Variants in SEMA5B observed in about 807,000 individuals in gnomAD.
SEMA5B encodes the protein semaphorin 5B.
In SEMA5B, 66 loss-of-function variants were observed where a neutral mutation model predicts 135.0. The ratio of observed to expected loss-of-function variants is 0.49; its 90% confidence interval spans 0.40 to 0.60. SEMA5B has a LOEUF of 0.60. SEMA5B is among the 20% of genes least tolerant of loss of function. SEMA5B has a pLI of 0.00. For missense variants in SEMA5B, 1,501 were observed against 1,566.3 expected (o/e 0.96, Z 0.70); for synonymous variants, 690 against 639.5 (o/e 1.08, Z -1.19).
chr3:122,924,723 C>T (rs547500634), intron 9 of SEMA5B, among the ~76,000 whole-genome samples: 20 of 152,276 alleles, frequency 1.3e-4, no homozygotes, highest in African/African-American at 4.3e-4. Context: ...AACATTTCTT[C>T]CCACCTCAAA....
intron 1 of SEMA5B, among the ~76,000 whole-genome samples, chr3:122,988,012 A>G (rs528192717): frequency 3.9e-5 from 6 of 152,054 alleles, no homozygotes; most frequent in Non-Finnish European, 7.4e-5. Context: ...GGCCTCAGAG[A>G]TGTGCAACAG....
At position 122,984,039 on chromosome 3, in the gene SEMA5B, G is replaced by A. The variant is rs1053343772; in HGVS notation, c.-38-22738C>T. On this transcript the variant is annotated intron_variant, in intron 1 of 22. Transcript: ENST00000357599. The stretch of plus-strand genomic sequence containing the variant: ...CTTCATCATTGGTCCTACGTGCAGA[G>A]GAGTAAAGAAATAAACAGCTATCAG... Among the ~76,000 whole-genome samples, 18 of 152,352 alleles carry A rather than the reference G, an allele frequency of 1.2e-4. 1 individual carries two copies. The highest frequency in any genetic ancestry group is 4.1e-4 in the African/African-American group (17 of 41,588).
At position 122,976,071 on chromosome 3, in the gene SEMA5B, C is replaced by T. The variant is rs1941309437; in HGVS notation, c.-38-14770G>A. The T allele has an allele frequency of 7.2e-6, 11 of 1,535,148 alleles. No individual in the cohort carries two copies. The South Asian group carries it at 1.2e-4, about 17-fold the overall frequency. On this transcript the variant is annotated intron_variant, in intron 1 of 22. Transcript: ENST00000357599. ...CCCAAATGCCAGCTCATCTATGAAG[C>T]TCCTTCTGACCCTCACGCAGCCAAT...
intron 1 of SEMA5B, among the ~76,000 whole-genome samples, chr3:122,964,879 A>C (rs557820409): frequency 6.6e-6 from 1 of 151,814 alleles, no homozygotes; most frequent in Non-Finnish European, 1.5e-5. Flanking sequence ...TTTAATTAAC[A>C]CTCTCCCTCC....
intron 1 of SEMA5B, among the ~76,000 whole-genome samples, chr3:122,991,975 C>G (rs1440516631): frequency 6.6e-6 from 1 of 152,112 alleles, no homozygotes; most frequent in Non-Finnish European, 1.5e-5. Flanking sequence ...GTTACGGATA[C>G]AGGAAGCATG....
At chr3:123,010,919 G>A (rs1484347333) in intron 1 of SEMA5B, among the ~76,000 whole-genome samples, 2 of 151,982 alleles carry the variant, frequency 1.3e-5, no homozygotes, top group Non-Finnish European at 2.9e-5. Flanking sequence ...ACAGCAAATA[G>A]CGGGTGTGAA....
intron 1 of SEMA5B, among the ~76,000 whole-genome samples, chr3:123,018,685 C>T (rs1377235733): frequency 6.6e-6 from 1 of 152,218 alleles, no homozygotes; most frequent in Non-Finnish European, 1.5e-5. Context: ...CTCAGGACCT[C>T]AACCAAATCA....
At chr3:123,007,595 T>C (rs894402050) in intron 1 of SEMA5B, among the ~76,000 whole-genome samples, 4 of 152,142 alleles carry the variant, frequency 2.6e-5, no homozygotes, top group Admixed American at 2.0e-4. Context: ...TGGGTTATCA[T>C]GGGAGGGGAA....
At chr3:122,975,868 C>G (rs971263989) in intron 1 of SEMA5B, 1 of 1,249,980 alleles carries the variant, frequency 8.0e-7, no homozygotes, top group African/African-American at 1.5e-5. Context: ...CAAATCCAAA[C>G]ACCCTGCATA....
rs772603757 is a variant in SEMA5B at position 122,943,509 on chromosome 3, T to C, written c.355A>G (p.Thr119Ala). The C allele has an allele frequency of 1.7e-5, 27 of 1,608,458 alleles. No homozygotes were observed. The highest frequency in any genetic ancestry group is 1.6e-4 in the Middle Eastern group (1 of 6,066). The change falls in exon 4 of 23, where the codon ACC (threonine) becomes GCC (alanine). Residue 119 changes from threonine to alanine, a missense_variant. Around this residue, in one of 2 missense-constraint regions of SEMA5B, gnomAD observed 574 missense variants for 684.7 expected, o/e 0.84. Coordinates refer to ENST00000357599, the MANE Select transcript of SEMA5B (RefSeq NM_001031702.4). ...GAGAAATCCCGGGCTCCAGGGTAGG[T>C]GAAGTTAGAGACCCACGGCTGCAGG... Reference protein sequence around the residue: ...EDLQPWVSNFTYPGARDFSQL... With the variant: ...EDLQPWVSNFAYPGARDFSQL...
chr3:123,020,560 G>A (rs1445793487), intron 1 of SEMA5B, among the ~76,000 whole-genome samples: 4 of 152,176 alleles, frequency 2.6e-5, no homozygotes, highest in Non-Finnish European at 5.9e-5. Context: ...CATTAGAAAG[G>A]ACCTGGCTGT....
At chr3:122,970,942 G>T (rs1451292006) in intron 1 of SEMA5B, among the ~76,000 whole-genome samples, 9 of 152,226 alleles carry the variant, frequency 5.9e-5, no homozygotes, top group Admixed American at 5.9e-4. Context: ...TTCTAAGTTT[G>T]TCCATCAGGG....
rs745397336 is a variant in SEMA5B, at chr3:122,911,500, C to T, written c.3082G>A (p.Asp1028Asn). 1.2e-5 allele frequency: 19 copies of T among 1,609,310 alleles called. No individual in the cohort carries two copies. Among genetic ancestry groups the T allele is most frequent in the Non-Finnish European group, 1.4e-5 (17 of 1,178,626 alleles). ...LPASSMEEAT[D>N]CAGFNLIHLV... ...GTCCGGTTTCTTTTACCTGCACAGT[C>T]GGTGGCCTCCTCCATGCTGGAGGCT... Residue 1028 changes from aspartate to asparagine, a missense_variant, in exon 21 of 23, where the codon GAC (aspartate) becomes AAC (asparagine). Asp to Asn is a conservative substitution (Grantham distance 23). Coordinates refer to ENST00000357599, the MANE Select transcript of SEMA5B (RefSeq NM_001031702.4).
chr3:122,945,712 C>T (rs1042967433), intron 3 of SEMA5B, among the ~76,000 whole-genome samples: 2 of 151,826 alleles, frequency 1.3e-5, no homozygotes, highest in South Asian at 4.1e-4. Context: ...GGTGGCATGA[C>T]GGGTCTGCAG....
intron 9 of SEMA5B, among the ~76,000 whole-genome samples, chr3:122,925,406 C>T (rs1051621516): frequency 1.3e-4 from 19 of 151,994 alleles, no homozygotes; most frequent in Admixed American, 1.0e-3. Context: ...TGGTGGCTCA[C>T]ACCTGTAATC....
At chr3:122,996,711 A>G (rs1942029984) in intron 1 of SEMA5B, among the ~76,000 whole-genome samples, 1 of 152,108 alleles carries the variant, frequency 6.6e-6, no homozygotes, top group Non-Finnish European at 1.5e-5. Flanking sequence ...CAGCCCTTCA[A>G]GAGTTTAAGT....
intron 4 of SEMA5B, among the ~76,000 whole-genome samples, chr3:122,943,033 C>T (rs1168251564): frequency 6.6e-6 from 1 of 152,220 alleles, no homozygotes; most frequent in Non-Finnish European, 1.5e-5. Flanking sequence ...CCCTACCCAG[C>T]CGTCCCAGGT....
chr3:122,978,642 A>G (rs929075110), intron 1 of SEMA5B, among the ~76,000 whole-genome samples: 6 of 152,020 alleles, frequency 3.9e-5, no homozygotes, highest in African/African-American at 1.2e-4. Context: ...TAAACATTTC[A>G]GTGTGATAGA....
chr3:122,927,983 A>G lies in SEMA5B; in HGVS notation c.657T>C (p.Thr219=), dbSNP rs1470349863. The change falls in exon 8 of 23, where the codon ACT becomes ACC. Residue 219 remains threonine (T), a synonymous_variant. Coordinates refer to ENST00000357599, the MANE Select transcript of SEMA5B (RefSeq NM_001031702.4). ...GGGCCACACCATTGATCTTCTCAAT[A>G]GTCCGGCTGAGGTTCCCCACCTGGG... ...TSRQVGNLSR[T]IEKINGVARC... 1 of 1,483,792 alleles carries G rather than the reference A, an allele frequency of 6.7e-7. No homozygotes were observed. Among genetic ancestry groups the G allele is most frequent in the Non-Finnish European group, 9.0e-7 (1 of 1,111,986 alleles). 91.9% of individuals were successfully genotyped at this position (1,483,792 alleles called of 1,614,324 possible).
Sources: allele counts gnomAD v4.1 joint callset (sites outside exome capture counted in the v4.1 genomes callset), GRCh38; gene constraint gnomAD v4.1.1; regional missense constraint gnomAD v4.1.1; transcripts MANE v1.5; gene names NCBI Gene and HGNC (gene_info 2026-07-23, HGNC 2026-07-21).